The following RGS6 variants were observed in gnomAD, a reference collection of about 807,000 sequenced individuals.
RGS6 encodes the protein regulator of G protein signaling 6.
A neutral mutation model predicts 78.5 loss-of-function variants in RGS6; 30 were observed. The ratio of observed to expected loss-of-function variants is 0.38; its 90% CI spans 0.29 to 0.52. The LOEUF (loss-of-function observed/expected upper bound fraction) is 0.52. Among genes scored for constraint, RGS6 ranks in the 20% least tolerant of loss-of-function variants. The pLI is 0.85. For missense variants in RGS6, 495 were observed against 609.7 expected (o/e 0.81, Z 1.98); for synonymous variants, 206 against 206.0 (o/e 1.00, Z 0.00).
At chr14:72,158,600 C>T (rs1357733734) in intron 2 of RGS6, among the ~76,000 whole-genome samples, 1 of 152,102 alleles carries the variant, frequency 6.6e-6, no homozygotes. Flanking sequence ...AAATTATGTT[C>T]GTCACCTCCT....
intron 2 of RGS6, among the ~76,000 whole-genome samples, chr14:72,301,517 A>AGGAAACTATCCTGGTC (rs2066056380): frequency 6.6e-6 from 1 of 152,056 alleles, no homozygotes; most frequent in Non-Finnish European, 1.5e-5. Flanking sequence ...CTCACCACAT[A>AGGAAACTATCCTGGTC]GGAAACTATC....
chr14:72,172,174 G>A (rs967511325), intron 2 of RGS6, among the ~76,000 whole-genome samples: 6 of 151,904 alleles, frequency 3.9e-5, no homozygotes, highest in Non-Finnish European at 7.4e-5. Flanking sequence ...GGCTGCGCTA[G>A]TTTGCAAAAA....
chr14:72,447,425 T>C (rs1413244384), intron 3 of RGS6, among the ~76,000 whole-genome samples: 1 of 152,158 alleles, frequency 6.6e-6, no homozygotes, highest in Non-Finnish European at 1.5e-5. Flanking sequence ...ACAAGCTGTC[T>C]ATCGGAAGAT....
intron 2 of RGS6, among the ~76,000 whole-genome samples, chr14:72,351,161 C>T (rs1474336297): frequency 6.6e-6 from 1 of 152,102 alleles, no homozygotes; most frequent in Non-Finnish European, 1.5e-5. Flanking sequence ...AAAGATATTT[C>T]TATTGGTTAG....
At chr14:71,939,989 G>C (rs967752724) in intron 1 of RGS6, among the ~76,000 whole-genome samples, 2 of 152,216 alleles carry the variant, frequency 1.3e-5, no homozygotes, top group African/African-American at 4.8e-5. Context: ...CAGCTGCTAA[G>C]TATGCCTATG....
intron 2 of RGS6, among the ~76,000 whole-genome samples, chr14:72,006,685 AT>A (rs1028890243): frequency 6.6e-6 from 1 of 152,224 alleles, no homozygotes; most frequent in African/African-American, 2.4e-5. Context: ...ATGGCTCCCA[AT>A]TCCTGACCTT....
the RGS6 span, among the ~76,000 whole-genome samples, chr14:71,918,107 G>C: frequency 4.7e-5 from 7 of 149,400 alleles, no homozygotes; most frequent in Admixed American, 2.0e-4. Flanking sequence ...CGTGAACCCG[G>C]GGGGCGGAGC....
chr14:72,270,673 A>G (rs2059801263), intron 2 of RGS6, among the ~76,000 whole-genome samples: 1 of 152,250 alleles, frequency 6.6e-6, no homozygotes, highest in South Asian at 2.1e-4. Flanking sequence ...CTGCCTGTCA[A>G]CCAGGACTGA....
chr14:72,408,657 T>A (rs1028872556), intron 3 of RGS6, among the ~76,000 whole-genome samples: 1 of 152,212 alleles, frequency 6.6e-6, no homozygotes, highest in African/African-American at 2.4e-5. Flanking sequence ...AGAGTATATA[T>A]TGAATCAATT....
At chr14:71,984,484 G>GAAAAA (rs370779936) in intron 2 of RGS6, among the ~76,000 whole-genome samples, 1 of 117,434 alleles carries the variant, frequency 8.5e-6, no homozygotes, top group African/African-American at 3.3e-5. Flanking sequence ...GTCTCAAAAA[G>GAAAAA]AAAAAAAAAA....
chr14:72,541,275 G>C (rs2097323470), intron 17 of RGS6: 2 of 1,443,746 alleles, frequency 1.4e-6, no homozygotes, highest in Non-Finnish European at 1.8e-6. Context: ...AAAGTCTAAG[G>C]CTCCTGGGTT....
At chr14:72,469,972 T>C (rs373763856) in intron 7 of RGS6, 35 bp from the exon 8 acceptor site, 3 of 1,511,638 alleles carry the variant, frequency 2.0e-6, no homozygotes, top group African/African-American at 1.4e-5. Context: ...TTTACGATGA[T>C]TAATGCCGCC....
At chr14:72,173,888 G>C (rs2097063935) in intron 2 of RGS6, among the ~76,000 whole-genome samples, 1 of 152,188 alleles carries the variant, frequency 6.6e-6, no homozygotes. Context: ...CCCATTCAGA[G>C]TGATTCGAGA....
At chr14:72,232,932 A>G (rs1324338984) in intron 2 of RGS6, among the ~76,000 whole-genome samples, 3 of 152,160 alleles carry the variant, frequency 2.0e-5, no homozygotes, top group African/African-American at 7.2e-5. Flanking sequence ...CTGGGGCACC[A>G]AGCAGAGCAT....
chr14:72,216,898 G>T (rs964271692), intron 2 of RGS6, among the ~76,000 whole-genome samples: 1 of 151,940 alleles, frequency 6.6e-6, no homozygotes, highest in Non-Finnish European at 1.5e-5. Flanking sequence ...GGTTTTGGAG[G>T]AAAAAAATTT....
intron 2 of RGS6, among the ~76,000 whole-genome samples, chr14:72,089,629 G>A (rs2095190583): frequency 6.6e-6 from 1 of 152,104 alleles, no homozygotes. Context: ...TGATGGAAAT[G>A]GTTTATGGAA....
At chr14:72,516,623 A>T (rs1468640736) in intron 14 of RGS6, among the ~76,000 whole-genome samples, 1 of 152,204 alleles carries the variant, frequency 6.6e-6, no homozygotes, top group African/African-American at 2.4e-5. Context: ...GAGGGATCAC[A>T]CTGGGCCAGC....
chr14:72,198,633 T>A (rs56869763), intron 2 of RGS6, among the ~76,000 whole-genome samples: 1 of 152,170 alleles, frequency 6.6e-6, no homozygotes. Flanking sequence ...AGAGAACAGA[T>A]GGAAAGGACC....
chr14:72,486,350 G>A (rs1293828698), intron 12 of RGS6, among the ~76,000 whole-genome samples: 2 of 152,150 alleles, frequency 1.3e-5, no homozygotes, highest in Admixed American at 6.5e-5. Context: ...CTTGCGTCAG[G>A]TATCTGTTCC....
Sources: allele counts gnomAD v4.1 joint callset (sites outside exome capture counted in the v4.1 genomes callset), GRCh38; gene constraint gnomAD v4.1.1; transcripts MANE v1.5; gene names NCBI Gene and HGNC (gene_info 2026-07-23, HGNC 2026-07-21).